Variants in ZFP41 observed in about 807,000 individuals in gnomAD.
ZFP41 encodes zinc finger protein 41 homolog.
Under a neutral mutation model 11.6 loss-of-function variants are expected in ZFP41, and 10 were observed. That is an observed-to-expected ratio of 0.86 (90% CI 0.53 to 1.47). The LOEUF (loss-of-function observed/expected upper bound fraction) is 1.47, where lower values mean the gene tolerates loss of function less well. ZFP41 is among the 40% of genes most tolerant of loss of function. The pLI, the probability that ZFP41 is intolerant of heterozygous loss-of-function variation, is 0.00. For missense variants in ZFP41, 302 were observed against 264.6 expected, an observed-to-expected ratio of 1.14 and a Z score of -0.98; for synonymous variants, 123 against 100.9, an observed-to-expected ratio of 1.22 and a Z score of -1.31.
Position 143,261,797 on chromosome 8 carries a change from C to T in ZFP41, c.*2923C>T. 1 of 206,610 alleles carries T rather than the reference C, an allele frequency of 4.8e-6. No homozygotes were observed. The highest frequency in any genetic ancestry group is 5.3e-5 in the South Asian group (1 of 18,724). The allele number at this position is 206,610 out of a possible 1,614,324, so 12.8% of individuals were successfully genotyped here. ...CTTCCACGCCCGTCTCCAGCAGCCC[C>T]TGCCCCCACCCGCACCCCTGCACCT... On this transcript the variant is annotated 3_prime_UTR_variant, in exon 3 of 3. Transcript: ENST00000330701.
intron 2 of ZFP41, among the ~76,000 whole-genome samples, chr8:143,259,166 C>T (rs1466638227): frequency 6.6e-6 from 1 of 152,234 alleles, no homozygotes; most frequent in Non-Finnish European, 1.5e-5. Flanking sequence ...ACAGTGGCCA[C>T]GCAGCTAGCC....
intron 1 of ZFP41, chr8:143,248,045 C>T (rs1270327879): frequency 6.6e-6 from 1 of 152,202 alleles, no homozygotes; most frequent in African/African-American, 2.4e-5. Context: ...GTCTCGATCT[C>T]CTGACCTCGT....
intron 2 of ZFP41, among the ~76,000 whole-genome samples, chr8:143,258,038 C>T (rs1434714213): frequency 6.6e-6 from 1 of 152,136 alleles, no homozygotes; most frequent in Non-Finnish European, 1.5e-5. Context: ...GTACTAAGCA[C>T]TTGCAGGCCA....
At chr8:143,257,680 A>C (rs533122063) in intron 2 of ZFP41, among the ~76,000 whole-genome samples, 1 of 152,220 alleles carries the variant, frequency 6.6e-6, no homozygotes, top group Non-Finnish European at 1.5e-5. Flanking sequence ...TGAGAAAGGA[A>C]GACAGTTCAG....
At chr8:143,247,613 G>C (rs536272132) in intron 1 of ZFP41, 1 of 152,358 alleles carries the variant, frequency 6.6e-6, no homozygotes, top group Admixed American at 6.5e-5. Flanking sequence ...TACAAGTGAA[G>C]GGTCCTCCGC....
chr8:143,249,940 G>C lies in ZFP41; in HGVS notation c.97G>C (p.Asp33His), dbSNP rs765925664. ...GCTCAGAGAGGAGAAGGTGTCCGGG[G>C]ACAGAAAGCCACCTGAGAGGCCCAC... ...SALREEKVSG[D>H]RKPPERPTVP... The change falls in exon 2 of 3, where the codon GAC (aspartate) becomes CAC (histidine). Residue 33 changes from aspartate to histidine, a missense_variant. Physicochemically the swap from Asp to His is moderately conservative, Grantham distance 81 (BLOSUM62 -1). Coordinates refer to ENST00000330701, the MANE Select transcript of ZFP41 (RefSeq NM_173832.6). 1.2e-6 allele frequency: 2 copies of C among 1,614,002 alleles called. No homozygotes were observed. The highest frequency in any genetic ancestry group is 4.5e-5 in the East Asian group (2 of 44,870).
Position 143,258,120 on chromosome 8 carries a change from G to A in ZFP41, c.*901-1655G>A, listed in dbSNP as rs558130557. ...GTGGGAGGATCGATTGAGCTCAGGA[G>A]TTTGAGACCAGCCTGGGCAACAGAG... On this transcript the variant is annotated intron_variant, in intron 2 of 2. Transcript: ENST00000330701. Among the ~76,000 whole-genome samples, 39 of 152,320 alleles carry A rather than the reference G, an allele frequency of 2.6e-4. No individual in the cohort carries two copies. In the South Asian group the frequency reaches 3.3e-3, roughly 13 times the overall value.
chr8:143,253,871 G>GT (rs145648113), intron 2 of ZFP41, among the ~76,000 whole-genome samples: 2,336 of 152,282 alleles, frequency 0.015, 67 homozygotes, highest in African/African-American at 0.053. Flanking sequence ...CCTGGGACCA[G>GT]TTTTTTCCGT....
At chr8:143,254,389 G>A (rs370187767) in intron 2 of ZFP41, among the ~76,000 whole-genome samples, 5 of 152,306 alleles carry the variant, frequency 3.3e-5, no homozygotes, top group South Asian at 2.1e-4. Flanking sequence ...AAGAGCCGGC[G>A]TCAGGAGTCA....
rs746729053 is a variant in ZFP41 at position 143,250,382 on chromosome 8, T to C, written c.539T>C (p.Phe180Ser). Residue 180 changes from phenylalanine (F) to serine (S), a missense_variant, in exon 2 of 3, where the codon TTT (phenylalanine) becomes TCT (serine). Physicochemically the swap from Phe to Ser is radical, Grantham distance 155 (BLOSUM62 -2). Coordinates refer to ENST00000330701, the MANE Select transcript of ZFP41 (RefSeq NM_173832.6). ...GAATGCACGCACTGTGGGAAAGCCT[T>C]TGCCTACAGCTCCTGTCTCATCCGC... Reference protein sequence around the residue: ...PYECTHCGKAFAYSSCLIRHQ... With the variant: ...PYECTHCGKASAYSSCLIRHQ... 3.7e-6 allele frequency: 6 copies of C among 1,613,926 alleles called. No individual in the cohort carries two copies. In the Admixed American group the frequency reaches 6.7e-5, roughly 18 times the overall value.
intron 2 of ZFP41, chr8:143,252,695 G>C (rs921624956): frequency 2.1e-6 from 2 of 932,514 alleles, no homozygotes; most frequent in Non-Finnish European, 2.6e-6. Context: ...TGTGATGACT[G>C]TGTCTCACAC....
rs997194304 is a variant in ZFP41 at position 143,249,883 on chromosome 8, C to G, written c.40C>G (p.Pro14Ala). ...AGGCAGAAAAAAGAAGACGCCGACC[C>G]CAAGGGAGGAGGCAGACGTGCAGAA... The part of the protein sequence containing the change: ...PAGRKKKTPT[P>A]REEADVQKSA... Residue 14 changes from proline (P) to alanine (A), a missense_variant, in exon 2 of 3, where the codon CCA (proline) becomes GCA (alanine). Physicochemically the swap from Pro to Ala is conservative, Grantham distance 27. Transcript: ENST00000330701. 3 of 1,609,226 alleles carry G rather than the reference C, an allele frequency of 1.9e-6. No individual in the cohort carries two copies. The highest frequency in any genetic ancestry group is 1.7e-6 in the Non-Finnish European group (2 of 1,178,472).
rs371035079 is a variant in ZFP41, at chr8:143,261,716, G to A, written c.*2842G>A. 556 of 183,256 alleles carry A rather than the reference G, an allele frequency of 3.0e-3. 5 individuals are homozygous for A. Among genetic ancestry groups the A allele is most frequent in the African/African-American group, 0.013 (534 of 41,618 alleles). 11.4% of individuals were successfully genotyped at this position (183,256 alleles called of 1,614,324 possible). A position where few individuals can be genotyped will look rare whatever the true frequency, so the allele number is the denominator to read the frequency against. ...GCCGCTCAGGGCAGGGCTCTGGCCTGACGGGGGTTCCTGGACACGCCTCTG... is the reference window on the plus strand; with the variant it reads ...GCCGCTCAGGGCAGGGCTCTGGCCTAACGGGGGTTCCTGGACACGCCTCTG... On this transcript the variant is annotated 3_prime_UTR_variant, in exon 3 of 3. Transcript: ENST00000330701.
At chr8:143,257,546 T>G (rs963990600) in intron 2 of ZFP41, among the ~76,000 whole-genome samples, 1 of 152,152 alleles carries the variant, frequency 6.6e-6, no homozygotes, top group African/African-American at 2.4e-5. Context: ...ATTAATACAA[T>G]TAATGGAAAC....
intron 2 of ZFP41, among the ~76,000 whole-genome samples, chr8:143,252,346 G>T (rs1387497690): frequency 2.0e-5 from 3 of 152,228 alleles, no homozygotes; most frequent in Non-Finnish European, 4.4e-5. Flanking sequence ...AGGCAGGCTG[G>T]TCCATGCGGA....
Position 143,249,837 on chromosome 8 carries a change from C to G in ZFP41, c.-7C>G. The G allele has an allele frequency of 6.3e-7, 1 of 1,580,152 alleles. No individual in the cohort carries two copies. The highest frequency in any genetic ancestry group is 8.6e-7 in the Non-Finnish European group (1 of 1,167,378). On this transcript the variant is annotated 5_prime_UTR_variant, in exon 2 of 3. Transcript: ENST00000330701. Reference sequence around the variant, plus strand: ...CCTTAGCCCTCACGCTTCCAAGGAACAGAATGATGGAGAAGCCTGCAGGCA... The same window carrying G: ...CCTTAGCCCTCACGCTTCCAAGGAAGAGAATGATGGAGAAGCCTGCAGGCA...
chr8:143,252,412 G>C (rs779622754), intron 2 of ZFP41, among the ~76,000 whole-genome samples: 1 of 152,260 alleles, frequency 6.6e-6, no homozygotes, highest in Non-Finnish European at 1.5e-5. Flanking sequence ...GCTCGCCTGC[G>C]GGCCCTGCCT....
At position 143,249,825 on chromosome 8, in the gene ZFP41, G is replaced by T; in HGVS notation, c.-19G>T. On this transcript the variant is annotated 5_prime_UTR_variant, in exon 2 of 3. Coordinates refer to ENST00000330701, the MANE Select transcript of ZFP41 (RefSeq NM_173832.6). ...AGGTCAGCAGCCCCTTAGCCCTCAC[G>T]CTTCCAAGGAACAGAATGATGGAGA... 2 of 1,559,314 alleles carry T rather than the reference G, an allele frequency of 1.3e-6. No individual in the cohort carries two copies. Among genetic ancestry groups the T allele is most frequent in the South Asian group, 1.2e-5 (1 of 82,200 alleles).
intron 2 of ZFP41, among the ~76,000 whole-genome samples, chr8:143,251,954 G>A (rs1475288690): frequency 6.6e-6 from 1 of 152,172 alleles, no homozygotes; most frequent in African/African-American, 2.4e-5. Flanking sequence ...CCTGCTGCTG[G>A]CCTGGACAGA....
Sources: allele counts gnomAD v4.1 joint callset (sites outside exome capture counted in the v4.1 genomes callset), GRCh38; gene constraint gnomAD v4.1.1; transcripts MANE v1.5; gene names NCBI Gene and HGNC (gene_info 2026-07-23, HGNC 2026-07-21).